The following FAM174A variants were observed in gnomAD, a reference collection of about 807,000 sequenced individuals.
The protein encoded by FAM174A is family with sequence similarity 174 member A.
Under a neutral mutation model 14.3 loss-of-function variants are expected in FAM174A, and 14 were observed. The ratio of observed to expected loss-of-function variants is 0.98; its 90% CI spans 0.65 to 1.53. The LOEUF (loss-of-function observed/expected upper bound fraction) is 1.53, where lower values mean the gene tolerates loss of function less well. Ranked by LOEUF, FAM174A falls within the 40% of genes most tolerant of loss-of-function variation. The pLI is 0.00. For missense variants in FAM174A, 241 were observed against 249.6 expected, an observed-to-expected ratio of 0.97 and a Z score of 0.23; for synonymous variants, 108 against 111.4, an observed-to-expected ratio of 0.97 and a Z score of 0.19.
rs77830575 is a variant in FAM174A, at chr5:100,536,748, G to T, written c.434+784G>T. On this transcript the variant is annotated intron_variant, in intron 1 of 2. Transcript: ENST00000312637. ...TTTGTTTATTGTTTTCAAAATTCACGTTTTTCCCATAAATACCCTCTGTAT... is the reference window on the plus strand; with the variant it reads ...TTTGTTTATTGTTTTCAAAATTCACTTTTTTCCCATAAATACCCTCTGTAT... Among the ~76,000 whole-genome samples the T allele has an allele frequency of 8.1e-3, 1,235 of 152,218 alleles. 14 individuals carry two copies. Among genetic ancestry groups the T allele is most frequent in the African/African-American group, 0.028 (1,175 of 41,538 alleles).
chr5:100,559,422 T>A (rs1438905887), intron 1 of FAM174A, among the ~76,000 whole-genome samples: 1 of 151,990 alleles, frequency 6.6e-6, no homozygotes, highest in African/African-American at 2.4e-5. Context: ...TGTCTTGGAG[T>A]TGCTCTTCTC....
intron 2 of FAM174A, among the ~76,000 whole-genome samples, chr5:100,570,346 C>G (rs745653639): frequency 3.3e-5 from 5 of 151,896 alleles, no homozygotes; most frequent in Non-Finnish European, 7.4e-5. Flanking sequence ...AGAACTCGAT[C>G]TGATTTTTTA....
chr5:100,565,773 T>C (rs1251670705), intron 2 of FAM174A, among the ~76,000 whole-genome samples: 1 of 151,708 alleles, frequency 6.6e-6, no homozygotes, highest in African/African-American at 2.4e-5. Context: ...GTTTTCATAC[T>C]GCTTGGAAGA....
At chr5:100,571,275 CTG>C (rs1287767991) in intron 2 of FAM174A, among the ~76,000 whole-genome samples, 3 of 151,544 alleles carry the variant, frequency 2.0e-5, no homozygotes. Context: ...TTTAAAAAAT[CTG>C]TGTAACACTG....
rs1047568653 is a variant in FAM174A, at chr5:100,568,452, G to A, written c.569+6264G>A. On this transcript the variant is annotated intron_variant, in intron 2 of 2. Transcript: ENST00000312637. ...CTTTCAGCACACAGTTCCATTAAATGTATGTATTTATGTATATAATACATA... is the reference window on the plus strand; with the variant it reads ...CTTTCAGCACACAGTTCCATTAAATATATGTATTTATGTATATAATACATA... 2.6e-5 allele frequency among the ~76,000 whole-genome samples: 4 copies of A among 151,696 alleles called. No individual in the cohort carries two copies. In the East Asian group the frequency reaches 7.7e-4, roughly 29 times the overall value.
At chr5:100,578,809 A>G (rs1000018798) in intron 2 of FAM174A, among the ~76,000 whole-genome samples, 1 of 152,016 alleles carries the variant, frequency 6.6e-6, no homozygotes, top group African/African-American at 2.4e-5. Flanking sequence ...GCATAGCCCA[A>G]TGTGTTGCAT....
chr5:100,577,503 T>C (rs1325456398), intron 2 of FAM174A, among the ~76,000 whole-genome samples: 1 of 152,154 alleles, frequency 6.6e-6, no homozygotes, highest in Non-Finnish European at 1.5e-5. Context: ...AACATCAGTA[T>C]ATCAGAATCA....
At chr5:100,577,230 AT>A (rs1746921616) in intron 2 of FAM174A, among the ~76,000 whole-genome samples, 1 of 152,094 alleles carries the variant, frequency 6.6e-6, no homozygotes, top group African/African-American at 2.4e-5. Context: ...TTTTAAAATT[AT>A]TTTAAAATCA....
intron 2 of FAM174A, among the ~76,000 whole-genome samples, chr5:100,570,762 G>A (rs1169477367): frequency 3.9e-5 from 6 of 151,904 alleles, no homozygotes; most frequent in Admixed American, 1.3e-4. Context: ...TTTTATTGCT[G>A]TAGCATTGTA....
At chr5:100,546,720 C>G (rs1746171580) in intron 1 of FAM174A, among the ~76,000 whole-genome samples, 1 of 152,132 alleles carries the variant, frequency 6.6e-6, no homozygotes, top group African/African-American at 2.4e-5. Context: ...ATGCACTATA[C>G]CAGATACACA....
chr5:100,554,965 A>T (rs1746341795), intron 1 of FAM174A, among the ~76,000 whole-genome samples: 1 of 152,016 alleles, frequency 6.6e-6, no homozygotes, highest in Admixed American at 6.6e-5. Context: ...TTTAGGGTAC[A>T]TGTGCACAAC....
intron 2 of FAM174A, among the ~76,000 whole-genome samples, chr5:100,585,325 A>G (rs1318433754): frequency 6.6e-6 from 1 of 152,246 alleles, no homozygotes; most frequent in East Asian, 1.9e-4. Context: ...GTAGATTTGT[A>G]TATATGTTAG....
At chr5:100,540,880 T>C (rs1375801564) in intron 1 of FAM174A, among the ~76,000 whole-genome samples, 2 of 152,174 alleles carry the variant, frequency 1.3e-5, no homozygotes, top group African/African-American at 4.8e-5. Flanking sequence ...ATGCCACATA[T>C]AGACATTGAT....
intron 1 of FAM174A, among the ~76,000 whole-genome samples, chr5:100,553,818 G>A (rs1746310348): frequency 6.6e-6 from 1 of 152,146 alleles, no homozygotes; most frequent in Admixed American, 6.6e-5. Flanking sequence ...AGGGAAAATA[G>A]TATTATTAGG....
rs1746540331 is a variant in FAM174A, at chr5:100,562,247, TGAAGAAG to T, written c.569+60_569+66del. The stretch of plus-strand genomic sequence containing the variant: ...GGAAGCAAGTCCTTGCCAAGTAAAC[TGAAGAAG>T]TAAAGTAGACTTTCATTTAACAGCT... On this transcript the variant is annotated intron_variant, in intron 2 of 2. Transcript: ENST00000312637. The T allele has an allele frequency of 2.0e-6, 3 of 1,465,130 alleles. No individual in the cohort carries two copies. The African/African-American group carries it at 4.4e-5, about 22-fold the overall frequency. The allele number at this position is 1,465,130 out of a possible 1,614,324, so 90.8% of individuals were successfully genotyped here. A position where few individuals can be genotyped will look rare whatever the true frequency, so the allele number is the denominator to read the frequency against.
intron 2 of FAM174A, among the ~76,000 whole-genome samples, chr5:100,581,965 CTCTT>C (rs1156710474): frequency 1.3e-5 from 2 of 151,994 alleles, no homozygotes; most frequent in African/African-American, 4.8e-5. Flanking sequence ...TCTTAAGAGA[CTCTT>C]TATGTGGTAG....
intron 1 of FAM174A, among the ~76,000 whole-genome samples, chr5:100,537,538 A>C (rs1370576438): frequency 1.3e-5 from 2 of 152,186 alleles, no homozygotes; most frequent in African/African-American, 2.4e-5. Context: ...CAATTTTAAG[A>C]ATGTAAAGAA....
chr5:100,535,481 G>A lies in FAM174A; in HGVS notation c.-50G>A. Reference sequence around the variant, plus strand: ...GCGCCTATGGTCCCTCTTGGAGCCAGCGTGGCGGGCCTGGCGGCTCCCGGG... The same window carrying A: ...GCGCCTATGGTCCCTCTTGGAGCCAACGTGGCGGGCCTGGCGGCTCCCGGG... On this transcript the variant is annotated 5_prime_UTR_variant, in exon 1 of 3. Transcript: ENST00000312637. 1.9e-6 allele frequency: 3 copies of A among 1,596,296 alleles called. No homozygotes were observed. Among genetic ancestry groups the A allele is most frequent in the Non-Finnish European group, 1.7e-6 (2 of 1,169,170 alleles).
intron 2 of FAM174A, among the ~76,000 whole-genome samples, chr5:100,572,128 C>T (rs1320283327): frequency 1.3e-5 from 2 of 151,404 alleles, no homozygotes; most frequent in African/African-American, 2.4e-5. Flanking sequence ...ATAAATAAAT[C>T]AGTTCAGTAG....
Sources: allele counts gnomAD v4.1 joint callset (sites outside exome capture counted in the v4.1 genomes callset), GRCh38; gene constraint gnomAD v4.1.1; transcripts MANE v1.5; gene names NCBI Gene and HGNC (gene_info 2026-07-23, HGNC 2026-07-21).